Variants in NETO1 observed in about 807,000 individuals in gnomAD.
NETO1 encodes neuropilin and tolloid like 1, also known as neuropilin and tolloid-like protein 1.
Under a neutral mutation model 61.3 loss-of-function variants are expected in NETO1, and 26 were observed. The ratio of observed to expected loss-of-function variants is 0.42; its 90% confidence interval spans 0.31 to 0.59. NETO1 has a LOEUF of 0.59. NETO1 is among the 20% of genes least tolerant of loss of function. NETO1 has a pLI of 0.12. For missense variants in NETO1, 531 were observed against 662.8 expected (o/e 0.80, Z 2.18); for synonymous variants, 225 against 225.8 (o/e 1.00, Z 0.03).
chr18:72,858,922 C>T lies in NETO1; in HGVS notation c.373G>A (p.Val125Ile). Reference protein sequence around the residue: ...GRFCGQQNPPVIKSSGRFLWI... With the variant: ...GRFCGQQNPPIIKSSGRFLWI... ...AGAAATCTTCCACTGGATTTTATGA[C>T]AGGTGGATTTTGTTGTCCACAGAAA... is the stretch of plus-strand genomic sequence containing the variant. Residue 125 changes from valine (V) to isoleucine (I), a missense_variant, in exon 4 of 11, where the codon GTC becomes ATC. By Grantham distance (29) the Val-to-Ile change is conservative (BLOSUM62 3). Transcript: ENST00000327305. The T allele has an allele frequency of 6.2e-7, 1 of 1,613,804 alleles. No individual in the cohort carries two copies. The highest frequency in any genetic ancestry group is 8.5e-7 in the Non-Finnish European group (1 of 1,179,870).
chr18:72,842,481 T>G (rs2145491807), intron 4 of NETO1, among the ~76,000 whole-genome samples: 1 of 152,204 alleles, frequency 6.6e-6, no homozygotes, highest in South Asian at 2.1e-4. Flanking sequence ...ATAATTAAGG[T>G]TTTGTAAATC....
intron 4 of NETO1, among the ~76,000 whole-genome samples, chr18:72,829,645 A>G (rs562365120): frequency 6.6e-6 from 1 of 152,324 alleles, no homozygotes; most frequent in South Asian, 2.1e-4. Flanking sequence ...TTTAGAATAC[A>G]AGCTAATTAG....
chr18:72,746,368 TA>T lies in NETO1; in HGVS notation c.*1810del, dbSNP rs1248728260. 6.6e-6 allele frequency among the ~76,000 whole-genome samples: 1 copy of T among 151,952 alleles called. No homozygotes were observed. Among genetic ancestry groups the T allele is most frequent in the Admixed American group, 6.6e-5 (1 of 15,250 alleles). On this transcript the variant is annotated 3_prime_UTR_variant, in exon 11 of 11. Coordinates refer to ENST00000327305, the MANE Select transcript of NETO1 (RefSeq NM_138966.5). ...TAATAAATAAACCAGTCAAGCCAAATAAAAAAGGGTACATTTTATCATAAGC... is the reference window on the plus strand; with the variant it reads ...TAATAAATAAACCAGTCAAGCCAAATAAAAAGGGTACATTTTATCATAAGC...
At position 72,859,066 on chromosome 18, in the gene NETO1, T is replaced by C; in HGVS notation, c.229A>G (p.Arg77Gly). 6.3e-7 allele frequency: 1 copy of C among 1,596,210 alleles called. No individual in the cohort carries two copies. Among genetic ancestry groups the C allele is most frequent in the South Asian group, 1.1e-5 (1 of 87,760 alleles). ...TCAAAGTAAAGTTCAATGCACTGTC[T>C]TGGAGCGGCTGTAAAGAAGAAAGAT... ...ECIYIIEAAP[R>G]QCIELYFDEK... The change falls in exon 4 of 11, where the codon AGA becomes GGA. Residue 77 changes from arginine to glycine, a missense_variant. Transcript: ENST00000327305.
At chr18:72,818,879 C>T (rs895552430) in intron 4 of NETO1, among the ~76,000 whole-genome samples, 1 of 151,934 alleles carries the variant, frequency 6.6e-6, no homozygotes, top group Non-Finnish European at 1.5e-5. Context: ...TTTAACAGCA[C>T]AAAAAATTAA....
chr18:72,858,900 A>C lies in NETO1; in HGVS notation c.395T>G (p.Phe132Cys). ...NPPVIKSSGR[F>C]LWIKFFADGE... ...ATCAGCAAAAAATTTAATCCATAGA[A>C]ATCTTCCACTGGATTTTATGACAGG... is the stretch of plus-strand genomic sequence containing the variant. Residue 132 changes from phenylalanine (F) to cysteine (C), a missense_variant, in exon 4 of 11, where the codon TTT becomes TGT. By Grantham distance (205) the Phe-to-Cys change is radical (BLOSUM62 -2). Transcript: ENST00000327305. The C allele has an allele frequency of 6.2e-7, 1 of 1,613,930 alleles. No homozygotes were observed. The highest frequency in any genetic ancestry group is 8.5e-7 in the Non-Finnish European group (1 of 1,179,876).
chr18:72,752,159 G>A (rs951764620), intron 8 of NETO1: 2 of 152,162 alleles, frequency 1.3e-5, no homozygotes, highest in African/African-American at 4.8e-5. Flanking sequence ...CGAGCTAGGA[G>A]AGTAACAGCT....
At chr18:72,855,177 T>C (rs762591770) in intron 4 of NETO1, among the ~76,000 whole-genome samples, 1 of 152,188 alleles carries the variant, frequency 6.6e-6, no homozygotes, top group Admixed American at 6.5e-5. Context: ...TTTTCTGAAC[T>C]GGGATAGCAT....
At chr18:72,742,395 C>T (rs955393283), downstream of NETO1, 2 of 152,154 alleles carry the variant, frequency 1.3e-5, no homozygotes, top group Admixed American at 6.5e-5. Flanking sequence ...ATAGATGATA[C>T]TTTTGTTCCA....
Position 72,817,504 on chromosome 18 carries a change from AT to A in NETO1, c.470-23101del, listed in dbSNP as rs903043285. On this transcript the variant is annotated intron_variant, in intron 4 of 10. Transcript: ENST00000327305. ...CTGTGTAAGCCACTAAATGTTAGAG[AT>A]TTTTTTTTAAACCAACAAAGTAAAG... 1.6e-3 allele frequency among the ~76,000 whole-genome samples: 238 copies of A among 151,950 alleles called. 2 individuals carry two copies. Among genetic ancestry groups the A allele is most frequent in the Admixed American group, 0.015 (223 of 15,260 alleles).
In NETO1 at chr18:72,782,659, C is replaced by T. The variant is rs150563612; in HGVS notation, c.868+1019G>A. ...ATCTCTACTAATAATACAAAATTAG[C>T]TGTGCATGGTGGTGCATGCCTGTAA... On this transcript the variant is annotated intron_variant, in intron 7 of 10. Coordinates refer to ENST00000327305, the MANE Select transcript of NETO1 (RefSeq NM_138966.5). 2.5e-3 allele frequency among the ~76,000 whole-genome samples: 388 copies of T among 152,184 alleles called. 8 individuals are homozygous for T. In the East Asian group the frequency reaches 0.037, roughly 15 times the overall value.
intron 7 of NETO1, among the ~76,000 whole-genome samples, chr18:72,781,883 G>T (rs541416618): frequency 1.5e-5 from 2 of 133,286 alleles, no homozygotes; most frequent in East Asian, 4.2e-4. Flanking sequence ...GGGTACATGT[G>T]CAGGTTTACT....
chr18:72,750,653 G>A, intron 8 of NETO1, 33 bp from the exon 9 acceptor site: 1 of 1,485,096 alleles, frequency 6.7e-7, no homozygotes, highest in Non-Finnish European at 9.1e-7. Flanking sequence ...ACAACAAACG[G>A]ACAAAAGAAG....
intron 4 of NETO1, among the ~76,000 whole-genome samples, chr18:72,840,244 A>G (rs185856726): frequency 1.4e-3 from 208 of 152,320 alleles, no homozygotes; most frequent in African/African-American, 4.8e-3. Context: ...GAGACACCAG[A>G]TAAGATTCTG....
chr18:72,790,459 G>T (rs1007966816), intron 6 of NETO1, among the ~76,000 whole-genome samples: 2 of 152,050 alleles, frequency 1.3e-5, no homozygotes, highest in Non-Finnish European at 2.9e-5. Context: ...CAGCTCTGTT[G>T]CTAACTAGCC....
At chr18:72,782,728 C>T (rs1240562365) in intron 7 of NETO1, among the ~76,000 whole-genome samples, 5 of 151,950 alleles carry the variant, frequency 3.3e-5, no homozygotes, top group Admixed American at 2.0e-4. Flanking sequence ...CACTTGAACC[C>T]GGGAGGCAAA....
At chr18:72,796,262 T>C (rs2072306961) in intron 4 of NETO1, among the ~76,000 whole-genome samples, 1 of 152,134 alleles carries the variant, frequency 6.6e-6, no homozygotes, top group Non-Finnish European at 1.5e-5. Context: ...TGATTGTTAG[T>C]TTAGTTATCT....
At chr18:72,812,719 T>C (rs1261978145) in intron 4 of NETO1, among the ~76,000 whole-genome samples, 1 of 152,212 alleles carries the variant, frequency 6.6e-6, no homozygotes, top group African/African-American at 2.4e-5. Context: ...GTACCTCTGA[T>C]GCTGCCAACT....
intron 4 of NETO1, among the ~76,000 whole-genome samples, chr18:72,804,453 T>C (rs1043635282): frequency 3.9e-5 from 6 of 152,210 alleles, no homozygotes; most frequent in Admixed American, 6.5e-5. Flanking sequence ...AACTGAATCA[T>C]ATCAGAGGCC....
Sources: gnomAD v4.1 joint callset for allele counts (sites outside exome capture counted in the v4.1 genomes callset) on GRCh38, gnomAD v4.1.1 for gene constraint, MANE v1.5 for transcripts, NCBI Gene and HGNC (gene_info 2026-07-23, HGNC 2026-07-21) for gene names.